The following IL33 variants were observed in gnomAD, a reference collection of about 807,000 sequenced individuals.
IL33 encodes interleukin 33, also known as interleukin-33.
Under a neutral mutation model 27.3 loss-of-function variants are expected in IL33, and 37 were observed. The ratio of observed to expected loss-of-function variants is 1.36; its 90% CI spans 1.04 to 1.78. IL33 has a LOEUF of 1.78. IL33 is among the 40% of genes most tolerant of loss of function. IL33 has a pLI of 0.00. For synonymous variants in IL33, 132 were observed against 102.9 expected (o/e 1.28, Z -1.71); for missense variants, 406 against 311.4 (o/e 1.30, Z -2.29).
intron 1 of IL33, among the ~76,000 whole-genome samples, chr9:6,234,138 C>A (rs566542605): frequency 6.6e-6 from 1 of 152,188 alleles, no homozygotes; most frequent in Non-Finnish European, 1.5e-5. Flanking sequence ...AGAGTTTCAT[C>A]TTCTTACAGC....
intron 1 of IL33, among the ~76,000 whole-genome samples, chr9:6,227,770 G>C (rs560658121): frequency 6.6e-6 from 1 of 152,078 alleles, no homozygotes; most frequent in African/African-American, 2.4e-5. Context: ...TAATTCAGGT[G>C]GAATGGGCCT....
chr9:6,251,350 C>T (rs1292728721), intron 4 of IL33, 85 bp downstream of exon 4: 4 of 1,568,788 alleles, frequency 2.5e-6, no homozygotes, highest in African/African-American at 1.4e-5. Context: ...GGTAGCAGTC[C>T]CAAGTCTGTG....
At chr9:6,240,883 C>G (rs755543016) in intron 1 of IL33, among the ~76,000 whole-genome samples, 11 of 152,086 alleles carry the variant, frequency 7.2e-5, no homozygotes, top group Non-Finnish European at 1.3e-4. Context: ...CATCATACAG[C>G]TGTACAAAAA....
intron 1 of IL33, among the ~76,000 whole-genome samples, chr9:6,236,590 G>A (rs773914989): frequency 2.4e-4 from 37 of 152,274 alleles, no homozygotes; most frequent in Non-Finnish European, 4.6e-4. Flanking sequence ...CAACTAGGCC[G>A]GGTGCAGTGG....
chr9:6,252,411 C>G (rs140591322), intron 4 of IL33, among the ~76,000 whole-genome samples: 296 of 152,180 alleles, frequency 1.9e-3, no homozygotes, highest in African/African-American at 6.8e-3. Flanking sequence ...TGTTATTTAG[C>G]CAGAGGAGAG....
intron 1 of IL33, among the ~76,000 whole-genome samples, chr9:6,216,798 T>G (rs151107984): frequency 5.9e-5 from 9 of 152,174 alleles, no homozygotes; most frequent in African/African-American, 2.2e-4. Flanking sequence ...ACAAAGAGGA[T>G]TAGAGATGCA....
At chr9:6,220,431 A>T (rs1818359387) in intron 1 of IL33, among the ~76,000 whole-genome samples, 1 of 152,216 alleles carries the variant, frequency 6.6e-6, no homozygotes, top group Admixed American at 6.5e-5. Context: ...GCTGTGCTCA[A>T]ATCTCAGCCA....
At chr9:6,233,218 T>A (rs1207856440) in intron 1 of IL33, among the ~76,000 whole-genome samples, 1 of 152,212 alleles carries the variant, frequency 6.6e-6, no homozygotes, top group Non-Finnish European at 1.5e-5. Context: ...TTTTCCCACT[T>A]ATACTTAAAA....
At chr9:6,252,438 G>A (rs536809997) in intron 4 of IL33, among the ~76,000 whole-genome samples, 20 of 152,164 alleles carry the variant, frequency 1.3e-4, no homozygotes, top group East Asian at 7.7e-4. Context: ...GCTTATATCC[G>A]CATTCTCCAG....
Position 6,256,518 on chromosome 9 carries a change from C to G in IL33, c.*350C>G, listed in dbSNP as rs1337428317. On this transcript the variant is annotated 3_prime_UTR_variant, in exon 8 of 8. Transcript: ENST00000682010. ...AAGGCCACTGAGGAAAGAGCCATAGCTTAAGTCTCTATGTAGACAGGGATC... is the reference window on the plus strand; with the variant it reads ...AAGGCCACTGAGGAAAGAGCCATAGGTTAAGTCTCTATGTAGACAGGGATC... 1 of 392,154 alleles carries G rather than the reference C, an allele frequency of 2.6e-6. No individual in the cohort carries two copies. Among genetic ancestry groups the G allele is most frequent in the African/African-American group, 2.1e-5 (1 of 48,268 alleles). The allele number at this position is 392,154 out of a possible 1,614,324, so 24.3% of individuals were successfully genotyped here.
chr9:6,230,844 C>T (rs1818893968), intron 1 of IL33, among the ~76,000 whole-genome samples: 1 of 152,164 alleles, frequency 6.6e-6, no homozygotes, highest in Non-Finnish European at 1.5e-5. Flanking sequence ...CCAATGTTCT[C>T]CATGAACTAA....
chr9:6,241,990 C>T (rs1302726167), intron 2 of IL33, among the ~76,000 whole-genome samples: 1 of 152,194 alleles, frequency 6.6e-6, no homozygotes, highest in African/African-American at 2.4e-5. Flanking sequence ...ATATTTGATA[C>T]ATCACCAGGC....
intron 2 of IL33, among the ~76,000 whole-genome samples, chr9:6,248,332 G>C (rs1033989578): frequency 1.1e-4 from 17 of 148,164 alleles, no homozygotes; most frequent in Non-Finnish European, 2.2e-4. Context: ...GCAACCTCCG[G>C]AGAGGTCGGA....
rs1816340448 is a variant in IL33 at position 6,251,263 on chromosome 9, C to G, written c.341C>G (p.Thr114Arg). The change falls in exon 4 of 8, where the codon ACA becomes AGA. Residue 114 changes from threonine (T) to arginine (R), a missense_variant and splice_region_variant. Thr to Arg is a moderately conservative substitution (Grantham distance 71). Coordinates refer to ENST00000682010, the MANE Select transcript of IL33 (RefSeq NM_033439.4). Reference protein sequence around the residue: ...YTRALHDSSITGISPITEYLA... With the variant: ...YTRALHDSSIRGISPITEYLA... ...AGAGCACTTCATGATTCAAGTATCA[C>G]AGGTATGACTGGTTACAGGGGTGAT... 1 of 1,613,180 alleles carries G rather than the reference C, an allele frequency of 6.2e-7. No homozygotes were observed. The highest frequency in any genetic ancestry group is 8.5e-7 in the Non-Finnish European group (1 of 1,179,360).
At chr9:6,236,962 G>A (rs1381795677) in intron 1 of IL33, among the ~76,000 whole-genome samples, 3 of 152,190 alleles carry the variant, frequency 2.0e-5, no homozygotes, top group Non-Finnish European at 1.5e-5. Context: ...GCTCCCACAC[G>A]TTCTAATGCA....
At chr9:6,246,201 G>C (rs1819841337) in intron 2 of IL33, among the ~76,000 whole-genome samples, 1 of 151,448 alleles carries the variant, frequency 6.6e-6, no homozygotes, top group African/African-American at 2.4e-5. Flanking sequence ...TTTATTATAA[G>C]GACTGCCATG....
chr9:6,241,739 A>G lies in IL33; in HGVS notation c.45A>G (p.Ala15=). ...MKYSTNKIST[A]KWKNTASKAL... ...ATTCAACCAACAAAATTTCCACAGC[A>G]AAGTGGAAGAACACAGCAAGCAAAG... The change falls in exon 2 of 8, where the codon GCA becomes GCG. Residue 15 remains alanine (A), a synonymous_variant. Coordinates refer to ENST00000682010, the MANE Select transcript of IL33 (RefSeq NM_033439.4). 6.2e-7 allele frequency: 1 copy of G among 1,612,084 alleles called. No homozygotes were observed. The highest frequency in any genetic ancestry group is 1.3e-5 in the African/African-American group (1 of 75,008).
chr9:6,253,019 T>A (rs369965738), intron 5 of IL33, 28 bp downstream of exon 5: 41 of 1,346,344 alleles, frequency 3.0e-5, no homozygotes, highest in Middle Eastern at 2.5e-4. Context: ...TCTATAATAA[T>A]GTAATAATGA....
intron 4 of IL33, among the ~76,000 whole-genome samples, chr9:6,251,475 C>G (rs1292703666): frequency 6.6e-6 from 1 of 152,132 alleles, no homozygotes; most frequent in African/African-American, 2.4e-5. Context: ...CTCTAGTTAG[C>G]ACTCCATCAT....
Sources: allele counts gnomAD v4.1 joint callset (sites outside exome capture counted in the v4.1 genomes callset), GRCh38; gene constraint gnomAD v4.1.1; transcripts MANE v1.5; gene names NCBI Gene and HGNC (gene_info 2026-07-23, HGNC 2026-07-21).